The following ZPBP variants were observed in gnomAD, a reference collection of about 807,000 sequenced individuals.
The protein encoded by ZPBP is zona pellucida binding protein.
In ZPBP, 26 loss-of-function variants were observed where a neutral mutation model predicts 44.8. The ratio of observed to expected loss-of-function variants is 0.58; its 90% CI spans 0.43 to 0.81. The LOEUF (loss-of-function observed/expected upper bound fraction) is 0.81, where lower values mean the gene tolerates loss of function less well. Ranked by LOEUF, ZPBP falls within the 30% of genes least tolerant of loss-of-function variation. ZPBP has a pLI of 0.00. For missense variants in ZPBP, 409 were observed against 434.0 expected (o/e 0.94, Z 0.51); for synonymous variants, 174 against 153.2 (o/e 1.14, Z -1.00).
intron 7 of ZPBP, among the ~76,000 whole-genome samples, chr7:49,958,628 C>T (rs1431454166): frequency 1.3e-5 from 2 of 152,184 alleles, no homozygotes; most frequent in Admixed American, 6.5e-5. Context: ...GCTTCCAGAA[C>T]TGTAAGCCAA....
At chr7:49,941,027 C>G (rs1325734204) in intron 7 of ZPBP, among the ~76,000 whole-genome samples, 1 of 152,092 alleles carries the variant, frequency 6.6e-6, no homozygotes, top group African/African-American at 2.4e-5. Flanking sequence ...AGCACATGCT[C>G]AGGACCAAGC....
At chr7:49,985,367 T>C (rs1270284272) in intron 6 of ZPBP, among the ~76,000 whole-genome samples, 1 of 152,186 alleles carries the variant, frequency 6.6e-6, no homozygotes, top group Non-Finnish European at 1.5e-5. Context: ...TGTGGTAAAA[T>C]TTATTTTGTG....
At chr7:50,072,810 C>G (rs2221657) in intron 3 of ZPBP, among the ~76,000 whole-genome samples, 127,471 of 152,228 alleles carry the variant, frequency 0.84, 53,416 homozygotes, top group East Asian at 0.92. Flanking sequence ...ACACAATTTA[C>G]ATCATAACAT....
In ZPBP at chr7:50,001,301, G is replaced by GCTATGACATAGCAAAAAA. The variant is rs1798085066; in HGVS notation, c.783+16938_783+16939insTTTTTTGCTATGTCATAG. On this transcript the variant is annotated intron_variant, in intron 6 of 7. Coordinates refer to ENST00000046087, the MANE Select transcript of ZPBP (RefSeq NM_007009.3). The stretch of plus-strand genomic sequence containing the variant: ...TTCAAAGAACCTCACCTTATGAGTT[G>GCTATGACATAGCAAAAAA]TACGGTATTTGCTATGACAGGAACC... Among the ~76,000 whole-genome samples, 9 of 152,286 alleles carry GCTATGACATAGCAAAAAA rather than the reference G, an allele frequency of 5.9e-5. No individual in the cohort carries two copies. In the South Asian group the frequency reaches 1.9e-3, roughly 32 times the overall value.
At chr7:49,940,648 T>C in intron 7 of ZPBP, 1 of 547,370 alleles carries the variant, frequency 1.8e-6, no homozygotes, top group Non-Finnish European at 2.3e-6. Flanking sequence ...AATTAAGTTC[T>C]GAATCCAAAA....
the ZPBP span, among the ~76,000 whole-genome samples, chr7:49,840,944 T>A: frequency 6.6e-6 from 1 of 152,112 alleles, no homozygotes; most frequent in Non-Finnish European, 1.5e-5. Context: ...ATGAGTGACT[T>A]GATGGGATGC....
intron 1 of ZPBP, among the ~76,000 whole-genome samples, chr7:49,902,380 GA>G (rs1450641131): frequency 6.6e-6 from 1 of 152,010 alleles, no homozygotes; most frequent in African/African-American, 2.4e-5. Context: ...GTATTGTGAA[GA>G]GGACAGACAC....
intron 6 of ZPBP, among the ~76,000 whole-genome samples, chr7:50,013,092 T>A (rs1186083703): frequency 6.6e-6 from 1 of 151,888 alleles, no homozygotes; most frequent in African/African-American, 2.4e-5. Flanking sequence ...ACCTTTACAC[T>A]AAAAAATGCA....
chr7:50,067,434 G>T lies in ZPBP; in HGVS notation c.335-9293C>A, dbSNP rs184531876. ...GTAAATATTTGTCCTTTGGTCTTTT[G>T]CTAGCCAAAGAGTTCTTGTCAGAGA... On this transcript the variant is annotated intron_variant, in intron 3 of 7. Coordinates refer to ENST00000046087, the MANE Select transcript of ZPBP (RefSeq NM_007009.3). Among the ~76,000 whole-genome samples the T allele has an allele frequency of 5.5e-4, 83 of 152,170 alleles. 1 individual carries two copies. The highest frequency in any genetic ancestry group is 2.0e-3 in the African/African-American group (83 of 41,518).
chr7:50,026,748 C>T (rs1056728353), intron 5 of ZPBP, among the ~76,000 whole-genome samples: 1 of 151,902 alleles, frequency 6.6e-6, no homozygotes, highest in Admixed American at 6.6e-5. Context: ...ACCACACACA[C>T]ACACCTTGCT....
intron 4 of ZPBP, among the ~76,000 whole-genome samples, chr7:50,044,801 C>T (rs1800264614): frequency 6.6e-6 from 1 of 152,160 alleles, no homozygotes; most frequent in Non-Finnish European, 1.5e-5. Context: ...GGACTCCTCC[C>T]TAACTCATTT....
At chr7:49,926,406 A>G (rs1055145792) in intron 1 of ZPBP, among the ~76,000 whole-genome samples, 2 of 152,192 alleles carry the variant, frequency 1.3e-5, no homozygotes, top group African/African-American at 4.8e-5. Context: ...TCTAGCAGTA[A>G]GTTTGCCCAA....
At chr7:49,891,044 T>C (rs751136535) in intron 2 of ZPBP, among the ~76,000 whole-genome samples, 3 of 152,190 alleles carry the variant, frequency 2.0e-5, no homozygotes, top group Admixed American at 2.0e-4. Flanking sequence ...CTATATTGAA[T>C]AAAAATCAAT....
intron 2 of ZPBP, among the ~76,000 whole-genome samples, chr7:49,863,471 C>T (rs939081732): frequency 1.3e-5 from 2 of 152,050 alleles, no homozygotes; most frequent in African/African-American, 2.4e-5. Flanking sequence ...CTCACTCTGT[C>T]ACACAGGCTG....
intron 6 of ZPBP, among the ~76,000 whole-genome samples, chr7:50,010,514 A>G (rs1798520590): frequency 6.6e-6 from 1 of 152,166 alleles, no homozygotes; most frequent in Non-Finnish European, 1.5e-5. Context: ...TGTAAGACAT[A>G]AAATCCAATG....
intron 3 of ZPBP, 149 bp from the exon 4 acceptor site, chr7:50,058,290 G>T: frequency 1.3e-6 from 1 of 791,092 alleles, no homozygotes; most frequent in Non-Finnish European, 2.1e-6. Flanking sequence ...TCTGGTATCT[G>T]CTAACAGTGG....
chr7:49,952,001 A>C (rs1433571086), intron 7 of ZPBP, among the ~76,000 whole-genome samples: 3 of 151,900 alleles, frequency 2.0e-5, no homozygotes, highest in African/African-American at 7.2e-5. Flanking sequence ...TTTATATGAA[A>C]TATCCAGAAT....
At chr7:49,987,368 T>C (rs1797337724) in intron 6 of ZPBP, among the ~76,000 whole-genome samples, 1 of 152,208 alleles carries the variant, frequency 6.6e-6, no homozygotes, top group African/African-American at 2.4e-5. Context: ...ACTATTTTTC[T>C]CCATTTTGCC....
chr7:49,852,716 C>CA (rs1790231448), intron 2 of ZPBP, among the ~76,000 whole-genome samples: 1 of 152,158 alleles, frequency 6.6e-6, no homozygotes, highest in African/African-American at 2.4e-5. Flanking sequence ...TCCTACAGAT[C>CA]AAAATCTGCG....
Sources: gnomAD v4.1 joint callset for allele counts (sites outside exome capture counted in the v4.1 genomes callset) on GRCh38, gnomAD v4.1.1 for gene constraint, MANE v1.5 for transcripts, NCBI Gene and HGNC (gene_info 2026-07-23, HGNC 2026-07-21) for gene names.